The following SLC5A11 variants were observed in gnomAD, a reference collection of about 807,000 sequenced individuals.
SLC5A11 encodes solute carrier family 5 member 11, also known as sodium/myo-inositol cotransporter 2.
In SLC5A11, 48 loss-of-function variants were observed where a neutral mutation model predicts 69.8. The observed-to-expected ratio is 0.69, with a 90% CI of 0.55 to 0.87. The LOEUF (loss-of-function observed/expected upper bound fraction) is 0.87. Ranked by LOEUF, SLC5A11 falls within the 40% of genes least tolerant of loss-of-function variation. SLC5A11 has a pLI of 0.00. For synonymous variants in SLC5A11, 319 were observed against 342.4 expected, an observed-to-expected ratio of 0.93 and a Z score of 0.75; for missense variants, 784 against 866.1, an observed-to-expected ratio of 0.91 and a Z score of 1.19.
At chr16:24,902,359 A>C (rs1338419000) in intron 10 of SLC5A11, among the ~76,000 whole-genome samples, 2 of 152,102 alleles carry the variant, frequency 1.3e-5, no homozygotes, top group Non-Finnish European at 2.9e-5. Flanking sequence ...GATCACTCCT[A>C]AGCTAAGTGA....
intron 1 of SLC5A11, among the ~76,000 whole-genome samples, chr16:24,856,160 G>A (rs767764354): frequency 1.3e-5 from 2 of 152,178 alleles, no homozygotes; most frequent in African/African-American, 2.4e-5. Flanking sequence ...AGTGCTACTG[G>A]CATTCAGCAG....
intron 1 of SLC5A11, among the ~76,000 whole-genome samples, chr16:24,854,212 T>G (rs914786745): frequency 6.6e-6 from 1 of 151,948 alleles, no homozygotes; most frequent in Non-Finnish European, 1.5e-5. Context: ...TCTGCCCCAC[T>G]CCCCAATTCA....
intron 3 of SLC5A11, among the ~76,000 whole-genome samples, chr16:24,863,293 T>C (rs1026736188): frequency 6.6e-6 from 1 of 152,024 alleles, no homozygotes; most frequent in Non-Finnish European, 1.5e-5. Context: ...GATGGCTTCA[T>C]CCACATTTGG....
intron 9 of SLC5A11, among the ~76,000 whole-genome samples, chr16:24,897,628 A>G (rs1262223453): frequency 5.9e-5 from 9 of 152,206 alleles, no homozygotes; most frequent in Non-Finnish European, 1.5e-5. Context: ...TAATTTATAA[A>G]GAGGTTGAAT....
Position 24,881,988 on chromosome 16 carries a change from C to T in SLC5A11, c.584-2063C>T, listed in dbSNP as rs920021813. Among the ~76,000 whole-genome samples the T allele has an allele frequency of 2.0e-5, 3 of 152,272 alleles. 1 individual carries two copies. Reference sequence around the variant, plus strand: ...ACAAAATCTAACATATGCAAAGTCCCCTGATACAGAAAGACCTTGGCTGAG... The same window carrying T: ...ACAAAATCTAACATATGCAAAGTCCTCTGATACAGAAAGACCTTGGCTGAG... On this transcript the variant is annotated intron_variant, in intron 7 of 15. Coordinates refer to ENST00000347898, the Ensembl canonical transcript of SLC5A11.
chr16:24,880,367 T>TGGTGCAA (rs2047960462), intron 7 of SLC5A11, among the ~76,000 whole-genome samples: 4 of 152,114 alleles, frequency 2.6e-5, no homozygotes, highest in African/African-American at 9.6e-5. Context: ...AGATGGAGAC[T>TGGTGCAA]TACTCTTTCA....
intron 9 of SLC5A11, among the ~76,000 whole-genome samples, chr16:24,893,925 C>G (rs1237982695): frequency 1.3e-5 from 2 of 152,166 alleles, no homozygotes; most frequent in African/African-American, 4.8e-5. Context: ...ACTATCTAAT[C>G]CTACTCTCAT....
chr16:24,888,515 T>G (rs1189876902), intron 8 of SLC5A11, among the ~76,000 whole-genome samples: 1 of 141,710 alleles, frequency 7.1e-6, no homozygotes, highest in Non-Finnish European at 1.5e-5. Flanking sequence ...GATGGACTCT[T>G]GCTCTGTCAC....
At chr16:24,869,807 T>A in intron 3 of SLC5A11, 94 bp from the exon 5 acceptor site, 1 of 878,534 alleles carries the variant, frequency 1.1e-6, no homozygotes, top group Non-Finnish European at 1.8e-6. Flanking sequence ...TCTACTTCTC[T>A]TCTCTGTCCC....
intron 9 of SLC5A11, among the ~76,000 whole-genome samples, chr16:24,893,706 G>A (rs1404218812): frequency 6.6e-6 from 1 of 152,076 alleles, no homozygotes; most frequent in Non-Finnish European, 1.5e-5. Flanking sequence ...GAGTAGCTGG[G>A]ACTATAGGCG....
chr16:24,889,554 T>TA (rs1212684739), intron 8 of SLC5A11, among the ~76,000 whole-genome samples: 11 of 136,234 alleles, frequency 8.1e-5, no homozygotes, highest in Admixed American at 3.7e-4. Context: ...TTTTTTTTTT[T>TA]TTTTTTTTTT....
At chr16:24,903,889 C>G (rs959080964) in intron 10 of SLC5A11, among the ~76,000 whole-genome samples, 2 of 152,140 alleles carry the variant, frequency 1.3e-5, no homozygotes, top group African/African-American at 4.8e-5. Context: ...CATTTTCACA[C>G]TGCTATGAAG....
At chr16:24,867,345 A>G (rs1435497880) in intron 3 of SLC5A11, among the ~76,000 whole-genome samples, 1 of 152,196 alleles carries the variant, frequency 6.6e-6, no homozygotes, top group Non-Finnish European at 1.5e-5. Context: ...ACAGCATGCT[A>G]AAACTTATGG....
At chr16:24,872,204 C>T in exon 5 of SLC5A11, 2 of 1,614,176 alleles carry the variant, frequency 1.2e-6, no homozygotes, top group Non-Finnish European at 1.7e-6. Flanking sequence ...TCCTACCCAT[C>T]TACATTGCTG....
chr16:24,879,240 G>T (rs923244951), intron 7 of SLC5A11, among the ~76,000 whole-genome samples: 2 of 151,730 alleles, frequency 1.3e-5, no homozygotes, highest in Non-Finnish European at 2.9e-5. Context: ...AGATTCAGGA[G>T]GTACATGCAG....
At chr16:24,910,637 T>C (rs768308703) in intron 15 of SLC5A11, among the ~76,000 whole-genome samples, 160 bp downstream of exon 16, 5 of 151,846 alleles carry the variant, frequency 3.3e-5, no homozygotes, top group Non-Finnish European at 7.4e-5. Context: ...GCTCCGGCCA[T>C]GGGAAAGGAG....
chr16:24,901,542 G>A (rs1172632949), intron 10 of SLC5A11, among the ~76,000 whole-genome samples: 7 of 152,082 alleles, frequency 4.6e-5, no homozygotes, highest in African/African-American at 7.2e-5. Context: ...TTGAGCCTGG[G>A]AGGTTGAGGC....
At chr16:24,856,570 G>A (rs1251878247) in intron 1 of SLC5A11, among the ~76,000 whole-genome samples, 1 of 139,684 alleles carries the variant, frequency 7.2e-6, no homozygotes, top group African/African-American at 2.7e-5. Context: ...TGGCTAACAC[G>A]GTGAAATCCC....
intron 1 of SLC5A11, among the ~76,000 whole-genome samples, chr16:24,850,267 C>A (rs1210947957): frequency 6.6e-6 from 1 of 152,186 alleles, no homozygotes; most frequent in Non-Finnish European, 1.5e-5. Context: ...GTCTTTTTGG[C>A]CTTTTTGTAG....
Sources: allele counts gnomAD v4.1 joint callset (sites outside exome capture counted in the v4.1 genomes callset), GRCh38; gene constraint gnomAD v4.1.1; transcripts MANE v1.5; gene names NCBI Gene and HGNC (gene_info 2026-07-23, HGNC 2026-07-21).